The following BDP1 variants were observed in gnomAD, a reference collection of about 807,000 sequenced individuals.
The protein encoded by BDP1 is transcription factor TFIIIB component B'' homolog.
A neutral mutation model predicts 266.6 loss-of-function variants in BDP1; 169 were observed. That is an observed-to-expected ratio of 0.63 (90% CI 0.56 to 0.72). BDP1 has a LOEUF of 0.72. Ranked by LOEUF, BDP1 falls within the 30% of genes least tolerant of loss-of-function variation. BDP1 has a pLI of 0.00. For missense variants in BDP1, 3,015 were observed against 3,053.8 expected (o/e 0.99, Z 0.30); for synonymous variants, 1,090 against 1,022.4 (o/e 1.07, Z -1.26).
At chr5:71,512,109 T>G in intron 17 of BDP1, 132 bp from the exon 18 acceptor site, 1 of 464,780 alleles carries the variant, frequency 2.2e-6, no homozygotes, top group Non-Finnish European at 3.7e-6. Context: ...GGAAATTAAA[T>G]TTTATTCAAA....
At position 71,537,250 on chromosome 5, in the gene BDP1, G is replaced by T. The variant is rs565975339; in HGVS notation, c.5893-1792G>T. Reference sequence around the variant, plus strand: ...AGATACAGGACTGTGACTCCATATTGCCAGTTAATATAGTGGAATGTTAAG... The same window carrying T: ...AGATACAGGACTGTGACTCCATATTTCCAGTTAATATAGTGGAATGTTAAG... On this transcript the variant is annotated intron_variant, in intron 26 of 38. Transcript: ENST00000358731. 1.5e-4 allele frequency among the ~76,000 whole-genome samples: 23 copies of T among 150,438 alleles called. 1 individual carries two copies. The highest frequency in any genetic ancestry group is 4.9e-4 in the African/African-American group (20 of 40,888).
At chr5:71,546,061 T>G (rs1742279788) in intron 32 of BDP1, among the ~76,000 whole-genome samples, 1 of 151,982 alleles carries the variant, frequency 6.6e-6, no homozygotes, top group South Asian at 2.1e-4. Flanking sequence ...AAGAAAGTGA[T>G]TAGAGATGAA....
intron 1 of BDP1, among the ~76,000 whole-genome samples, chr5:71,458,222 A>T (rs1398808696): frequency 2.0e-5 from 3 of 152,088 alleles, no homozygotes; most frequent in Non-Finnish European, 4.4e-5. Context: ...TTTTATATAG[A>T]AATTAATTAT....
chr5:71,545,317 A>G (rs555178462), intron 32 of BDP1, 98 bp downstream of exon 32: 2 of 1,112,542 alleles, frequency 1.8e-6, no homozygotes, highest in East Asian at 2.5e-5. Context: ...CACCTCTTTT[A>G]TCTTCATTTT....
chr5:71,519,620 T>C (rs1275816177), intron 22 of BDP1, among the ~76,000 whole-genome samples: 2 of 152,224 alleles, frequency 1.3e-5, no homozygotes, highest in Non-Finnish European at 2.9e-5. Context: ...TCCATCTATG[T>C]CACTGTGAAT....
chr5:71,507,295 A>G (rs188040222), intron 16 of BDP1, among the ~76,000 whole-genome samples: 98 of 152,308 alleles, frequency 6.4e-4, no homozygotes, highest in Middle Eastern at 3.4e-3. Flanking sequence ...GATCCACTGT[A>G]TATTTTAAGT....
chr5:71,549,986 T>C (rs276598), intron 34 of BDP1, among the ~76,000 whole-genome samples: 61,429 of 152,086 alleles, frequency 0.4, 12,940 homozygotes, highest in South Asian at 0.47. Context: ...AAATACAGTT[T>C]TTTTTCTTAA....
chr5:71,479,438 A>G (rs1007545278), intron 7 of BDP1, among the ~76,000 whole-genome samples: 3 of 152,108 alleles, frequency 2.0e-5, no homozygotes, highest in Non-Finnish European at 2.9e-5. Context: ...TCTATAATGA[A>G]TGGCTCCTTT....
chr5:71,525,665 G>T (rs1281802487), intron 25 of BDP1, among the ~76,000 whole-genome samples: 1 of 117,948 alleles, frequency 8.5e-6, no homozygotes, highest in Non-Finnish European at 1.9e-5. Flanking sequence ...CTTCCGGACG[G>T]GGTGGCTGGC....
chr5:71,564,685 T>TAC (rs947951883), intron 38 of BDP1, 69 bp from the exon 39 acceptor site: 8 of 1,336,594 alleles, frequency 6.0e-6, no homozygotes, highest in Non-Finnish European at 6.2e-6. Context: ...CTGCTATATA[T>TAC]ACACACACAT....
chr5:71,554,973 A>G (rs754978114), intron 35 of BDP1, among the ~76,000 whole-genome samples: 5 of 152,220 alleles, frequency 3.3e-5, no homozygotes, highest in East Asian at 1.9e-4. Context: ...TCATGTCAGC[A>G]CTCAAAAAGT....
At chr5:71,543,328 G>A (rs1767084391) in intron 30 of BDP1, among the ~76,000 whole-genome samples, 1 of 152,178 alleles carries the variant, frequency 6.6e-6, no homozygotes. Context: ...CACGGTGGTG[G>A]TGCACACCTG....
chr5:71,558,918 C>T (rs1170866207), intron 36 of BDP1, among the ~76,000 whole-genome samples: 1 of 151,876 alleles, frequency 6.6e-6, no homozygotes, highest in Non-Finnish European at 1.5e-5. Flanking sequence ...CTTTGGGTTG[C>T]CAAAGTTGGT....
intron 35 of BDP1, among the ~76,000 whole-genome samples, chr5:71,556,607 A>G (rs535498621): frequency 2.0e-5 from 3 of 152,288 alleles, no homozygotes; most frequent in African/African-American, 7.2e-5. Context: ...ATTGTGATGT[A>G]GTAGTCTTTT....
At position 71,510,976 on chromosome 5, in the gene BDP1, C is replaced by A. The variant is rs762182698; in HGVS notation, c.3884C>A (p.Ser1295Tyr). Residue 1295 changes from serine to tyrosine, a missense_variant, in exon 17 of 39, where the codon TCT (serine) becomes TAT (tyrosine). By Grantham distance (144) the Ser-to-Tyr change is moderately radical. Transcript: ENST00000358731. ...TGKENFRERGSEEICVTEEKV... is the reference protein window; with the variant it reads ...TGKENFRERGYEEICVTEEKV... Reference sequence around the variant, plus strand: ...AAAGAAAATTTTAGAGAGAGAGGATCTGAAGAGATCTGTGTTACTGAGGAA... The same window carrying A: ...AAAGAAAATTTTAGAGAGAGAGGATATGAAGAGATCTGTGTTACTGAGGAA... 1 of 1,614,032 alleles carries A rather than the reference C, an allele frequency of 6.2e-7. No individual in the cohort carries two copies.
chr5:71,501,626 A>T lies in BDP1; in HGVS notation c.2021A>T (p.Glu674Val). ...TTGAGAATGGAGACTACAGAGAGAG[A>T]GAATCCAGAAGCTGAAACTGTATCT... ...DILRMETTER[E>V]NPEAETVSVL... The change falls in exon 14 of 39, where the codon GAG becomes GTG. Residue 674 changes from glutamate to valine, a missense_variant. Glu to Val is a moderately radical substitution (Grantham distance 121, BLOSUM62 -2). Around this residue, in one of 3 missense-constraint regions of BDP1, gnomAD observed 2,383 missense variants for 2,404.9 expected, o/e 0.99. Coordinates refer to ENST00000358731, the MANE Select transcript of BDP1 (RefSeq NM_018429.3). 1 of 1,589,508 alleles carries T rather than the reference A, an allele frequency of 6.3e-7. No homozygotes were observed. The highest frequency in any genetic ancestry group is 8.6e-7 in the Non-Finnish European group (1 of 1,158,912).
At chr5:71,504,855 C>A in intron 16 of BDP1, 104 bp downstream of exon 16, 3 of 1,038,118 alleles carry the variant, frequency 2.9e-6, no homozygotes, top group Non-Finnish European at 4.4e-6. Context: ...TTGTTGTCTG[C>A]GTGTCTAGTT....
rs755850213 is a variant in BDP1 at position 71,461,895 on chromosome 5, A to G, written c.568A>G (p.Ile190Val). 5 of 1,583,700 alleles carry G rather than the reference A, an allele frequency of 3.2e-6. No homozygotes were observed. Among genetic ancestry groups the G allele is most frequent in the Non-Finnish European group, 3.5e-6 (4 of 1,155,024 alleles). The change falls in exon 3 of 39, where the codon ATA (isoleucine) becomes GTA (valine). Residue 190 changes from isoleucine (I) to valine (V), a missense_variant. By Grantham distance (29) the Ile-to-Val change is conservative (BLOSUM62 3). This residue lies in a region of BDP1 where 2,383 missense variants were observed against 2,404.9 expected (regional missense o/e 0.99). Transcript: ENST00000358731. ...TTCAAAAATGACTATGAGAGACTTC[A>G]TATATTATCTACCAGATAATAATCC... Reference protein sequence around the residue: ...DRSKMTMRDFIYYLPDNNPMT... With the variant: ...DRSKMTMRDFVYYLPDNNPMT...
In BDP1 at chr5:71,544,398, A is replaced by G; in HGVS notation, c.6454A>G (p.Lys2152Glu). ...TTCCAAAGCAACAGAATTGGAAAATAAAAACCTCGGACCAGTTACAACAGC... is the reference window on the plus strand; with the variant it reads ...TTCCAAAGCAACAGAATTGGAAAATGAAAACCTCGGACCAGTTACAACAGC... ...NASKATELEN[K>E]NLGPVTTAEN... The change falls in exon 31 of 39, where the codon AAA becomes GAA. Residue 2152 changes from lysine to glutamate, a missense_variant. By Grantham distance (56) the Lys-to-Glu change is moderately conservative. Coordinates refer to ENST00000358731, the MANE Select transcript of BDP1 (RefSeq NM_018429.3). 1.2e-6 allele frequency: 2 copies of G among 1,613,136 alleles called. No homozygotes were observed. Among genetic ancestry groups the G allele is most frequent in the Non-Finnish European group, 1.7e-6 (2 of 1,179,742 alleles).
Sources: allele counts gnomAD v4.1 joint callset (sites outside exome capture counted in the v4.1 genomes callset), GRCh38; gene constraint gnomAD v4.1.1; regional missense constraint gnomAD v4.1.1; transcripts MANE v1.5; gene names NCBI Gene and HGNC (gene_info 2026-07-23, HGNC 2026-07-21).